Variants in GOLGA4 observed in about 807,000 individuals in gnomAD.
The protein encoded by GOLGA4 is golgin subfamily A member 4.
Under a neutral mutation model 265.9 loss-of-function variants are expected in GOLGA4, and 169 were observed. That is an observed-to-expected ratio of 0.64 (90% CI 0.56 to 0.72). The LOEUF is 0.72. GOLGA4 is among the 30% of genes least tolerant of loss of function. GOLGA4 has a pLI of 0.00. For missense variants in GOLGA4, 2,482 were observed against 2,483.4 expected, an observed-to-expected ratio of 1.00 and a Z score of 0.01; for synonymous variants, 923 against 855.8, an observed-to-expected ratio of 1.08 and a Z score of -1.37.
At position 37,326,585 on chromosome 3, in the gene GOLGA4, C is replaced by G. The variant is rs765653515; in HGVS notation, c.4699C>G (p.Gln1567Glu). 1 of 1,613,026 alleles carries G rather than the reference C, an allele frequency of 6.2e-7. No individual in the cohort carries two copies. Among genetic ancestry groups the G allele is most frequent in the South Asian group, 1.1e-5 (1 of 90,852 alleles). Residue 1567 changes from glutamine (Q) to glutamate (E), a missense_variant, in exon 14 of 24, where the codon CAA becomes GAA. By Grantham distance (29) the Gln-to-Glu change is conservative (BLOSUM62 2). This residue lies in a region of GOLGA4 where 942 missense variants were observed against 983.1 expected (regional missense o/e 0.96). Coordinates refer to ENST00000361924, the MANE Select transcript of GOLGA4 (RefSeq NM_002078.5). ...IEHKELVQKL[Q>E]HFQELGEEKD... ...ACACAAAGAATTGGTTCAGAAACTT[C>G]AACATTTTCAAGAGTTAGGAGAAGA...
intron 1 of GOLGA4, among the ~76,000 whole-genome samples, chr3:37,249,273 A>G (rs1166870078): frequency 6.6e-6 from 1 of 152,196 alleles, no homozygotes; most frequent in Non-Finnish European, 1.5e-5. Flanking sequence ...ACTTATTCCA[A>G]GACTGAGACT....
At chr3:37,247,835 G>A (rs2096723604) in intron 1 of GOLGA4, among the ~76,000 whole-genome samples, 1 of 152,144 alleles carries the variant, frequency 6.6e-6, no homozygotes, top group Admixed American at 6.5e-5. Context: ...TCGGCTTAGA[G>A]GCTACCAGCA....
In GOLGA4 at chr3:37,243,318, A is replaced by C. The variant is rs1429734492; in HGVS notation, c.-233A>C. ...TCGCCGCCGCGGCTCCCGGGGCTGG[A>C]TGGGGGGCCGAGGCCAGCCAGTGGC... On this transcript the variant is annotated 5_prime_UTR_variant, in exon 1 of 24. The change abolishes an upstream ATG in the 5' untranslated region. Transcript: ENST00000361924. 2 of 557,398 alleles carry C rather than the reference A, an allele frequency of 3.6e-6. No individual in the cohort carries two copies. Among genetic ancestry groups the C allele is most frequent in the Non-Finnish European group, 3.2e-6 (1 of 312,654 alleles). 34.5% of individuals were successfully genotyped at this position (557,398 alleles called of 1,614,324 possible). A position where few individuals can be genotyped will look rare whatever the true frequency, so the allele number is the denominator to read the frequency against.
intron 5 of GOLGA4, among the ~76,000 whole-genome samples, chr3:37,293,590 G>C (rs1029345990): frequency 6.6e-6 from 1 of 152,222 alleles, no homozygotes; most frequent in Non-Finnish European, 1.5e-5. Context: ...AGGAATCCCA[G>C]AACGATAAAG....
At chr3:37,344,255 T>C (rs1280491219) in intron 20 of GOLGA4, among the ~76,000 whole-genome samples, 5 of 152,120 alleles carry the variant, frequency 3.3e-5, no homozygotes, top group Non-Finnish European at 5.9e-5. Context: ...GCGCACACCA[T>C]CACACCTGGC....
intron 2 of GOLGA4, among the ~76,000 whole-genome samples, chr3:37,277,614 T>C (rs1345292488): frequency 2.0e-5 from 3 of 152,228 alleles, no homozygotes; most frequent in African/African-American, 7.2e-5. Flanking sequence ...TTGCTGACTT[T>C]TTCTGTCAAT....
At chr3:37,351,129 A>G (rs1292876074) in intron 21 of GOLGA4, among the ~76,000 whole-genome samples, 2 of 152,162 alleles carry the variant, frequency 1.3e-5, no homozygotes, top group African/African-American at 4.8e-5. Flanking sequence ...GGCTTTATCA[A>G]CTAAGTTTAT....
Position 37,294,639 on chromosome 3 carries a change from G to A in GOLGA4, c.583-340G>A, listed in dbSNP as rs188036319. On this transcript the variant is annotated intron_variant, in intron 5 of 23. Coordinates refer to ENST00000361924, the MANE Select transcript of GOLGA4 (RefSeq NM_002078.5). ...TGACCTCAAGTGATCCACCCTCCTCGGCCTCCCACAGTGTGGGATTACAGG... is the reference window on the plus strand; with the variant it reads ...TGACCTCAAGTGATCCACCCTCCTCAGCCTCCCACAGTGTGGGATTACAGG... Among the ~76,000 whole-genome samples, 4 of 152,110 alleles carry A rather than the reference G, an allele frequency of 2.6e-5. No homozygotes were observed. In the East Asian group the frequency reaches 7.7e-4, roughly 29 times the overall value.
chr3:37,327,666 A>G lies in GOLGA4; in HGVS notation c.5780A>G (p.Asp1927Gly). The change falls in exon 14 of 24, where the codon GAT becomes GGT. Residue 1927 changes from aspartate (D) to glycine (G), a missense_variant. Transcript: ENST00000361924. ...AGTAACATGGAAGCCCAGCACAATG[A>G]TCTGGAGTTTAAATTAGCCGGGGCA... ...LLSNMEAQHN[D>G]LEFKLAGAER... 2 of 1,613,998 alleles carry G rather than the reference A, an allele frequency of 1.2e-6. No individual in the cohort carries two copies. The highest frequency in any genetic ancestry group is 1.7e-6 in the Non-Finnish European group (2 of 1,179,888).
intron 20 of GOLGA4, among the ~76,000 whole-genome samples, chr3:37,346,286 C>A (rs2097055981): frequency 6.6e-6 from 1 of 152,158 alleles, no homozygotes; most frequent in South Asian, 2.1e-4. Context: ...GCTTCTTGTG[C>A]TGCTCTGTAG....
chr3:37,287,718 G>C (rs570827507), intron 4 of GOLGA4: 9 of 152,328 alleles, frequency 5.9e-5, no homozygotes, highest in African/African-American at 2.2e-4. Context: ...GCATGTTCCT[G>C]CATTTAAAAT....
intron 10 of GOLGA4, among the ~76,000 whole-genome samples, chr3:37,311,658 A>G (rs2096923460): frequency 6.6e-6 from 1 of 152,212 alleles, no homozygotes; most frequent in Admixed American, 6.5e-5. Flanking sequence ...TAGGTGTGAA[A>G]TTATTTGGTT....
intron 2 of GOLGA4, among the ~76,000 whole-genome samples, chr3:37,272,923 A>G (rs1283018928): frequency 2.0e-5 from 3 of 152,226 alleles, no homozygotes; most frequent in Admixed American, 2.0e-4. Context: ...CTATGCCAGT[A>G]TGATGTAATC....
intron 19 of GOLGA4, among the ~76,000 whole-genome samples, chr3:37,339,487 G>T (rs6804271): frequency 0.039 from 5,870 of 152,232 alleles, 144 homozygotes; most frequent in African/African-American, 0.056. Context: ...CTTTTCTACA[G>T]TGGCTGTACT....
intron 10 of GOLGA4, among the ~76,000 whole-genome samples, chr3:37,307,904 A>G (rs1237540048): frequency 6.6e-6 from 1 of 152,194 alleles, no homozygotes; most frequent in Non-Finnish European, 1.5e-5. Context: ...GATGTTTTCA[A>G]GGTATTTGAT....
rs1578776663 is a variant in GOLGA4, at chr3:37,337,700, A to G, written c.6362A>G (p.Asp2121Gly). 6.2e-7 allele frequency: 1 copy of G among 1,612,238 alleles called. No homozygotes were observed. The highest frequency in any genetic ancestry group is 8.5e-7 in the Non-Finnish European group (1 of 1,178,230). Residue 2121 changes from aspartate to glycine, a missense_variant, in exon 19 of 24, where the codon GAT (aspartate) becomes GGT (glycine). By Grantham distance (94) the Asp-to-Gly change is moderately conservative (BLOSUM62 -1). This residue lies in a region of GOLGA4 where 942 missense variants were observed against 983.1 expected (regional missense o/e 0.96). Coordinates refer to ENST00000361924, the MANE Select transcript of GOLGA4 (RefSeq NM_002078.5). ...GCACAGAAGACGACTTTAATCAGTG[A>G]TTCGAAATTGAAAGAGCAAGAGTTC... ...QLAQKTTLIS[D>G]SKLKEQEFRE... is the part of the protein sequence containing the mutation.
intron 2 of GOLGA4, chr3:37,276,532 T>A: frequency 6.2e-7 from 1 of 1,602,780 alleles, no homozygotes; most frequent in Non-Finnish European, 8.5e-7. Flanking sequence ...AAACCCGTAG[T>A]GCTGATGAAC....
In GOLGA4 at chr3:37,243,575, A is replaced by G; in HGVS notation, c.25A>G (p.Ile9Val). 6.2e-7 allele frequency: 1 copy of G among 1,614,014 alleles called. No individual in the cohort carries two copies. Among genetic ancestry groups the G allele is most frequent in the Non-Finnish European group, 8.5e-7 (1 of 1,179,964 alleles). The change falls in exon 1 of 24, where the codon ATC becomes GTC. Residue 9 changes from isoleucine (I) to valine (V), a missense_variant. Coordinates refer to ENST00000361924, the MANE Select transcript of GOLGA4 (RefSeq NM_002078.5). ...CATGTTCAAGAAACTGAAGCAAAAG[A>G]TCAGCGAGGAGCAGCAGCAGCTCCA... The part of the protein sequence containing the change: MFKKLKQK[I>V]SEEQQQLQQA...
intron 6 of GOLGA4, 138 bp from the exon 7 acceptor site, chr3:37,295,949 A>G: frequency 1.5e-6 from 1 of 686,924 alleles, no homozygotes; most frequent in Non-Finnish European, 2.6e-6. Context: ...ACACCATTTT[A>G]TATAATGGAC....
Sources: gnomAD v4.1 joint callset for allele counts (sites outside exome capture counted in the v4.1 genomes callset) on GRCh38, gnomAD v4.1.1 for gene constraint, gnomAD v4.1.1 regional missense constraint, MANE v1.5 for transcripts, NCBI Gene and HGNC (gene_info 2026-07-23, HGNC 2026-07-21) for gene names.